ELOA: variants seen among roughly 807,000 people sequenced by gnomAD.
ELOA encodes elongin A, also known as elongin-A.
A neutral mutation model predicts 85.2 loss-of-function variants in ELOA; 15 were observed. That is an observed-to-expected ratio of 0.18 (90% confidence interval 0.12 to 0.27). The LOEUF (loss-of-function observed/expected upper bound fraction) is 0.27, where lower values mean the gene tolerates loss of function less well. Ranked by LOEUF, ELOA falls within the 10% of genes least tolerant of loss-of-function variation. The pLI, the probability that ELOA is intolerant of heterozygous loss-of-function variation, is 1.00. For missense variants in ELOA, 769 were observed against 952.7 expected (o/e 0.81, Z 2.54); for synonymous variants, 348 against 357.2 (o/e 0.97, Z 0.29).
rs532763322 is a variant in ELOA at position 23,752,460 on chromosome 1, C to T, written c.1479C>T (p.Ala493=). Reference sequence around the variant, plus strand: ...ACCTCCCGTTACCCGCGATACAGGCCAATTACCGTCCACTGCCTTCCCTCG... The same window carrying T: ...ACCTCCCGTTACCCGCGATACAGGCTAATTACCGTCCACTGCCTTCCCTCG... ...LPDLPLPAIQ[A]NYRPLPSLEL... Residue 493 remains alanine (A), a synonymous_variant, in exon 5 of 11, where the codon GCC becomes GCT. Coordinates refer to ENST00000613537, the MANE Select transcript of ELOA (RefSeq NM_003198.3). The T allele has an allele frequency of 6.2e-7, 1 of 1,614,132 alleles. No individual in the cohort carries two copies. Among genetic ancestry groups the T allele is most frequent in the African/African-American group, 1.3e-5 (1 of 75,036 alleles).
At chr1:23,754,501 C>T in intron 7 of ELOA, 41 bp downstream of exon 7, 1 of 1,485,392 alleles carries the variant, frequency 6.7e-7, no homozygotes. Context: ...AGTTTTCTGG[C>T]TTGTACCTCC....
intron 3 of ELOA, among the ~76,000 whole-genome samples, chr1:23,750,262 G>A (rs904535306): frequency 2.2e-5 from 3 of 133,426 alleles, no homozygotes; most frequent in African/African-American, 5.6e-5. Context: ...TGCAAGCTCC[G>A]CCTCCCAGGT....
chr1:23,748,463 G>A (rs950793376), intron 1 of ELOA, among the ~76,000 whole-genome samples: 33 of 152,146 alleles, frequency 2.2e-4, no homozygotes, highest in African/African-American at 7.2e-4. Context: ...CAGGCATTTT[G>A]TGTCCACCGT....
intron 9 of ELOA, 30 bp from the exon 10 acceptor site, chr1:23,756,923 A>G (rs750174883): frequency 7.6e-6 from 11 of 1,456,420 alleles, no homozygotes; most frequent in East Asian, 2.6e-5. Context: ...TCTTGTGCTC[A>G]TGCCTAACCA....
Position 23,754,252 on chromosome 1 carries a change from G to A in ELOA, c.1690G>A (p.Asp564Asn), listed in dbSNP as rs201928604. The A allele has an allele frequency of 2.9e-5, 47 of 1,614,138 alleles. No homozygotes were observed. The highest frequency in any genetic ancestry group is 6.7e-5 in the Admixed American group (4 of 60,026). ...CATCCGAGTACTTAAAAACAACATC[G>A]ATTGTAAGTCACACGCTTCTCTCTA... is the stretch of plus-strand genomic sequence containing the variant. ...QCIRVLKNNI[D>N]SIFEVGGVPY... Residue 564 changes from aspartate to asparagine, a missense_variant, in exon 6 of 11, where the codon GAT becomes AAT. Around this residue, in one of 4 missense-constraint regions of ELOA, gnomAD observed 193 missense variants for 278.9 expected, o/e 0.69. Coordinates refer to ENST00000613537, the MANE Select transcript of ELOA (RefSeq NM_003198.3).
In ELOA at chr1:23,754,416, A is replaced by G. The variant is rs756879179; in HGVS notation, c.1747A>G (p.Arg583Gly). 6.2e-7 allele frequency: 1 copy of G among 1,613,960 alleles called. No homozygotes were observed. Among genetic ancestry groups the G allele is most frequent in the Non-Finnish European group, 8.5e-7 (1 of 1,180,018 alleles). ...CTCTGTTCTTGAACCCGTTTTGGAG[A>G]GGTGTACACCTGATCAGCTGTATCG... ...PYSVLEPVLE[R>G]CTPDQLYRIE... Residue 583 changes from arginine to glycine, a missense_variant, in exon 7 of 11, where the codon AGG (arginine) becomes GGG (glycine). Around this residue, in one of 4 missense-constraint regions of ELOA, gnomAD observed 193 missense variants for 278.9 expected, o/e 0.69. Transcript: ENST00000613537.
rs1018902070 is a variant in ELOA, at chr1:23,761,859, A to C, written c.*2286A>C. ...TTTTGTGATCCTTGGTGTACTGAGC[A>C]GTTTCTTTGGGGCTTTTTCTTTCTG... On this transcript the variant is annotated 3_prime_UTR_variant, in exon 11 of 11. Coordinates refer to ENST00000613537, the MANE Select transcript of ELOA (RefSeq NM_003198.3). 6.6e-6 allele frequency: 1 copy of C among 152,122 alleles called. No homozygotes were observed. Among genetic ancestry groups the C allele is most frequent in the African/African-American group, 2.4e-5 (1 of 41,426 alleles). The allele number at this position is 152,122 out of a possible 1,614,324, so 9.4% of individuals were successfully genotyped here. A position where few individuals can be genotyped will look rare whatever the true frequency, so the allele number is the denominator to read the frequency against.
At chr1:23,758,275 T>A (rs1480408558) in intron 10 of ELOA, among the ~76,000 whole-genome samples, 1,305 of 103,664 alleles carry the variant, frequency 0.013, 51 homozygotes, top group African/African-American at 0.036. Flanking sequence ...TTTTTTTTTT[T>A]TTTTTTTTTT....
At chr1:23,758,259 ATTTTTTTTTTTT>A (rs1162019928) in intron 10 of ELOA, among the ~76,000 whole-genome samples, 11 of 41,956 alleles carry the variant, frequency 2.6e-4, no homozygotes, top group Non-Finnish European at 4.2e-4. Context: ...TTATTTATTT[ATTTTTTTTTTTT>A]TTTTTTTTTT....
intron 1 of ELOA, chr1:23,744,368 T>G (rs1042907744): frequency 6.6e-6 from 1 of 152,216 alleles, no homozygotes; most frequent in Non-Finnish European, 1.5e-5. Context: ...GAATATTAAG[T>G]TAAACGCGTT....
At chr1:23,752,614 T>C in intron 5 of ELOA, 96 bp downstream of exon 5, 1 of 1,288,368 alleles carries the variant, frequency 7.8e-7, no homozygotes, top group Non-Finnish European at 1.1e-6. Context: ...TCCAGCACTT[T>C]GGGAGGCCGA....
Position 23,751,021 on chromosome 1 carries a change from T to C in ELOA, c.416T>C (p.Leu139Pro), listed in dbSNP as rs1336129610. Reference protein sequence around the residue: ...RQKKHRKLSELERPHKVSHGH... With the variant: ...RQKKHRKLSEPERPHKVSHGH... ...AAGAAACATAGGAAACTCTCGGAGC[T>C]CGAGAGACCTCACAAAGTGTCTCAC... The change falls in exon 4 of 11, where the codon CTC becomes CCC. Residue 139 changes from leucine to proline, a missense_variant. By Grantham distance (98) the Leu-to-Pro change is moderately conservative. Transcript: ENST00000613537. 5 of 1,613,930 alleles carry C rather than the reference T, an allele frequency of 3.1e-6. No individual in the cohort carries two copies.
intron 3 of ELOA, among the ~76,000 whole-genome samples, chr1:23,750,170 CTT>C (rs747972246): frequency 1.1e-5 from 1 of 90,516 alleles, no homozygotes; most frequent in African/African-American, 4.0e-5. Flanking sequence ...TGGTACGTTT[CTT>C]TTTTTTTTTT....
rs1644772809 is a variant in ELOA, at chr1:23,751,856, G to T, written c.1251G>T (p.Arg417=). Residue 417 remains arginine (R), a synonymous_variant, in exon 4 of 11, where the codon CGG becomes CGT. Transcript: ENST00000613537. ...CCTACCTCAGCTATGACCAGCCCCG[G>T]AAGAAAAAGAAAAAGATTGTGAAAA... The part of the protein sequence containing the change: ...FESYLSYDQP[R]KKKKKIVKTS... 2 of 1,613,554 alleles carry T rather than the reference G, an allele frequency of 1.2e-6. No individual in the cohort carries two copies.
In ELOA at chr1:23,751,488, T is replaced by C. The variant is rs1231440598; in HGVS notation, c.883T>C (p.Ser295Pro). The change falls in exon 4 of 11, where the codon TCT becomes CCT. Residue 295 changes from serine to proline, a missense_variant. Ser to Pro is a moderately conservative substitution (Grantham distance 74). Coordinates refer to ENST00000613537, the MANE Select transcript of ELOA (RefSeq NM_003198.3). ...SGDNAREKPP[S>P]SGVKKEKDRE... is the part of the protein sequence containing the mutation. ...GGACAATGCAAGGGAGAAACCGCCCTCTAGTGGCGTAAAGAAAGAGAAGGA... is the reference window on the plus strand; with the variant it reads ...GGACAATGCAAGGGAGAAACCGCCCCCTAGTGGCGTAAAGAAAGAGAAGGA... The C allele has an allele frequency of 1.2e-6, 2 of 1,613,806 alleles. No homozygotes were observed. The highest frequency in any genetic ancestry group is 1.7e-5 in the Admixed American group (1 of 59,990).
At chr1:23,747,480 A>G (rs1268509394) in intron 1 of ELOA, among the ~76,000 whole-genome samples, 1 of 152,222 alleles carries the variant, frequency 6.6e-6, no homozygotes, top group African/African-American at 2.4e-5. Flanking sequence ...TTAGTGTAGT[A>G]GCTGACACAC....
In ELOA at chr1:23,751,669, G is replaced by C; in HGVS notation, c.1064G>C (p.Gly355Ala). 6.2e-7 allele frequency: 1 copy of C among 1,614,172 alleles called. No individual in the cohort carries two copies. The highest frequency in any genetic ancestry group is 8.5e-7 in the Non-Finnish European group (1 of 1,180,038). Reference protein sequence around the residue: ...LDSFDTGKGAGDLLPKVKEKG... With the variant: ...LDSFDTGKGAADLLPKVKEKG... ...AGCTTTGACACAGGAAAAGGAGCAG[G>C]AGACCTGTTGCCCAAGGTAAAAGAG... Residue 355 changes from glycine (G) to alanine (A), a missense_variant, in exon 4 of 11, where the codon GGA becomes GCA. This residue lies in a region of ELOA where 440 missense variants were observed against 474.0 expected (regional missense o/e 0.93). Coordinates refer to ENST00000613537, the MANE Select transcript of ELOA (RefSeq NM_003198.3).
At chr1:23,743,751 G>A (rs1644733714) in intron 1 of ELOA, among the ~76,000 whole-genome samples, 173 bp downstream of exon 1, 1 of 152,108 alleles carries the variant, frequency 6.6e-6, no homozygotes, top group South Asian at 2.1e-4. Flanking sequence ...GGGACCCCGT[G>A]CGTCGGGCGT....
Position 23,743,554 on chromosome 1 carries a change from G to C in ELOA, c.51G>C (p.Leu17=). The C allele has an allele frequency of 6.7e-7, 1 of 1,496,596 alleles. No homozygotes were observed. The highest frequency in any genetic ancestry group is 8.9e-7 in the Non-Finnish European group (1 of 1,128,170). The allele number at this position is 1,496,596 out of a possible 1,614,324, so 92.7% of individuals were successfully genotyped here. Residue 17 remains leucine (L), a synonymous_variant, in exon 1 of 11, where the codon CTG becomes CTC. Transcript: ENST00000613537. ...LQVVEKLQAR[L]AANPDPKKLL... ...TTGTGGAGAAGCTGCAGGCGCGCCT[G>C]GCCGCGAACCCGGACCCTAAGAAGG...
Sources: gnomAD v4.1 joint callset for allele counts (sites outside exome capture counted in the v4.1 genomes callset) on GRCh38, gnomAD v4.1.1 for gene constraint, gnomAD v4.1.1 regional missense constraint, MANE v1.5 for transcripts, NCBI Gene and HGNC (gene_info 2026-07-23, HGNC 2026-07-21) for gene names.